Variants in FRMPD4 observed in about 807,000 individuals in gnomAD.
The protein encoded by FRMPD4 is FERM and PDZ domain-containing protein 4.
Under a neutral mutation model 94.1 loss-of-function variants are expected in FRMPD4, and 22 were observed. The observed-to-expected ratio is 0.23, with a 90% CI of 0.17 to 0.33. FRMPD4 has a LOEUF of 0.33. FRMPD4 is among the 10% of genes least tolerant of loss of function. The pLI is 1.00. For synonymous variants in FRMPD4, 631 were observed against 548.6 expected, an observed-to-expected ratio of 1.15 and a Z score of -2.10; for missense variants, 1,111 against 1,339.9, an observed-to-expected ratio of 0.83 and a Z score of 2.67.
At chrX:12,686,054 T>C (rs745348748) in intron 6 of FRMPD4, 43 bp from the exon 7 acceptor site, 13 of 626,047 alleles carry the variant, frequency 2.1e-5, no homozygotes, top group Admixed American at 1.7e-4. Context: ...AGAAGAGTTA[T>C]AATTTGATCA....
chrX:12,072,977 A>G (rs1040864550), intron 3 of FRMPD4, among the ~76,000 whole-genome samples: 2 of 110,750 alleles, frequency 1.8e-5, no homozygotes, highest in African/African-American at 3.3e-5. Context: ...TAGGGTATTT[A>G]TCAGAATGTG....
At chrX:12,619,829 C>T (rs2059271317) in intron 4 of FRMPD4, among the ~76,000 whole-genome samples, 1 of 111,223 alleles carries the variant, frequency 9.0e-6, no homozygotes, top group Non-Finnish European at 1.9e-5. Context: ...CCAGTTCATA[C>T]CCCCAGAGGT....
chrX:12,231,051 A>G (rs1227824346), intron 1 of FRMPD4, among the ~76,000 whole-genome samples: 2 of 26,654 alleles, frequency 7.5e-5, no homozygotes, highest in African/African-American at 2.7e-4. Context: ...TATATATAAA[A>G]TATATATATA....
At chrX:11,838,862 C>A (rs2053516790) in intron 1 of FRMPD4, among the ~76,000 whole-genome samples, 1 of 111,522 alleles carries the variant, frequency 9.0e-6, no homozygotes, top group African/African-American at 3.3e-5. Context: ...GGATACACTA[C>A]ATTTTGTTTA....
At chrX:12,358,466 T>A (rs2055929266) in intron 1 of FRMPD4, among the ~76,000 whole-genome samples, 1 of 111,578 alleles carries the variant, frequency 9.0e-6, no homozygotes, top group African/African-American at 3.3e-5. Context: ...GTTCCCATGT[T>A]GGTGGCTTCG....
At position 12,200,947 on chromosome X, in the gene FRMPD4, T is replaced by C. The variant is rs747893579; in HGVS notation, c.41+61935T>C. On this transcript the variant is annotated intron_variant, in intron 1 of 16. Coordinates refer to ENST00000675598, the MANE Select transcript of FRMPD4 (RefSeq NM_001368397.1). ...GGAAAGGGAGTCAATTGTACCTCCA[T>C]CTTATGGAATGTAGACAAGTATTAT... Among the ~76,000 whole-genome samples the C allele has an allele frequency of 8.9e-5, 10 of 112,282 alleles. No individual in the cohort carries two copies. In the East Asian group the frequency reaches 2.8e-3, roughly 32 times the overall value.
intron 3 of FRMPD4, among the ~76,000 whole-genome samples, chrX:11,955,084 G>T (rs879002499): frequency 9.0e-6 from 1 of 111,294 alleles, no homozygotes; most frequent in Admixed American, 9.6e-5. Flanking sequence ...TATAGACGGT[G>T]CATTCTCACT....
intron 1 of FRMPD4, among the ~76,000 whole-genome samples, chrX:12,480,759 C>T (rs758998028): frequency 5.1e-4 from 57 of 112,313 alleles, no homozygotes; most frequent in African/African-American, 1.6e-3. Context: ...ATGGATTGGA[C>T]GATCGCGTTT....
intron 5 of FRMPD4, among the ~76,000 whole-genome samples, chrX:12,675,465 C>T (rs1038904635): frequency 5.5e-5 from 6 of 109,303 alleles, no homozygotes; most frequent in African/African-American, 1.0e-4. Flanking sequence ...GTATAATCTG[C>T]GTACCATAAA....
intron 2 of FRMPD4, among the ~76,000 whole-genome samples, chrX:12,537,697 C>T (rs989693984): frequency 1.7e-4 from 19 of 108,828 alleles, no homozygotes; most frequent in East Asian, 5.7e-4. Flanking sequence ...AGCAATTCCC[C>T]GCCGCATCCC....
intron 2 of FRMPD4, among the ~76,000 whole-genome samples, chrX:12,523,912 T>C (rs2058191877): frequency 9.0e-6 from 1 of 110,565 alleles, no homozygotes; most frequent in Non-Finnish European, 1.9e-5. Flanking sequence ...CTCAGCACTT[T>C]GGGAAGTCAA....
chrX:11,839,607 T>C (rs1047957843), intron 1 of FRMPD4, among the ~76,000 whole-genome samples: 9 of 111,649 alleles, frequency 8.1e-5, no homozygotes, highest in Non-Finnish European at 9.4e-5. Flanking sequence ...TAAAGTCCAA[T>C]TTATAAGTTG....
At chrX:12,449,036 C>T (rs2057234074) in intron 1 of FRMPD4, among the ~76,000 whole-genome samples, 1 of 111,806 alleles carries the variant, frequency 8.9e-6, no homozygotes, top group Admixed American at 9.5e-5. Context: ...TATTTCATAC[C>T]TGGCTGATCT....
intron 1 of FRMPD4, among the ~76,000 whole-genome samples, chrX:12,389,432 ACC>A (rs1196114088): frequency 4.6e-5 from 5 of 107,924 alleles, no homozygotes; most frequent in African/African-American, 1.7e-4. Context: ...CTGAGATCTC[ACC>A]ACTGCACTCC....
chrX:11,931,826 C>T (rs1029723729), intron 3 of FRMPD4, among the ~76,000 whole-genome samples: 1 of 111,975 alleles, frequency 8.9e-6, no homozygotes, highest in Non-Finnish European at 1.9e-5. Flanking sequence ...AGGCACACTG[C>T]AGATATTCAG....
chrX:12,446,167 CCA>C (rs759700574), intron 1 of FRMPD4, among the ~76,000 whole-genome samples: 27 of 111,685 alleles, frequency 2.4e-4, no homozygotes, highest in Non-Finnish European at 2.8e-4. Flanking sequence ...TGATCAAAAC[CCA>C]CAGTTAGAAA....
chrX:11,862,075 T>C (rs375364485), intron 1 of FRMPD4, among the ~76,000 whole-genome samples: 11 of 110,763 alleles, frequency 9.9e-5, no homozygotes, highest in East Asian at 5.7e-4. Context: ...ACCCACTCAC[T>C]ATCACATGAA....
intron 1 of FRMPD4, among the ~76,000 whole-genome samples, chrX:12,328,245 A>G (rs5935299): frequency 0.17 from 18,627 of 111,765 alleles, 1,224 homozygotes; most frequent in Non-Finnish European, 0.2. Context: ...AATTAAAACT[A>G]GGCAATAACA....
At chrX:12,022,154 G>A (rs2054635272) in intron 3 of FRMPD4, among the ~76,000 whole-genome samples, 1 of 112,317 alleles carries the variant, frequency 8.9e-6, no homozygotes, top group African/African-American at 3.2e-5. Context: ...TCAATAGTTG[G>A]TACAGTATGT....
Sources: allele counts gnomAD v4.1 joint callset (sites outside exome capture counted in the v4.1 genomes callset), GRCh38; gene constraint gnomAD v4.1.1; transcripts MANE v1.5; gene names NCBI Gene and HGNC (gene_info 2026-07-23, HGNC 2026-07-21).